TTBK2: variants seen among roughly 807,000 people sequenced by gnomAD.
TTBK2 encodes tau-tubulin kinase 2.
A neutral mutation model predicts 110.8 loss-of-function variants in TTBK2; 28 were observed. The ratio of observed to expected loss-of-function variants is 0.25; its 90% CI spans 0.19 to 0.35. The LOEUF is 0.35. TTBK2 is among the 10% of genes least tolerant of loss of function. TTBK2 has a pLI of 1.00. For synonymous variants in TTBK2, 532 were observed against 527.3 expected (o/e 1.01, Z -0.12); for missense variants, 1,369 against 1,500.3 (o/e 0.91, Z 1.45).
rs1056152267 is a variant in TTBK2 at position 42,880,009 on chromosome 15, A to G, written c.-67-1325T>C. Among the ~76,000 whole-genome samples, 28 of 151,912 alleles carry G rather than the reference A, an allele frequency of 1.8e-4. No homozygotes were observed. The East Asian group carries it at 2.5e-3, about 14-fold the overall frequency. On this transcript the variant is annotated intron_variant, in intron 1 of 14. Coordinates refer to ENST00000267890, the MANE Select transcript of TTBK2 (RefSeq NM_173500.4). Reference sequence around the variant, plus strand: ...AAGATCCTGTCTCAAAAAAAAAAAAAAAAAGAAAAGAAAAGAAAAACAGGA... The same window carrying G: ...AAGATCCTGTCTCAAAAAAAAAAAAGAAAAGAAAAGAAAAGAAAAACAGGA...
chr15:42,815,941 T>TATTTAAAAATATATATAC (rs1891947518), intron 7 of TTBK2, among the ~76,000 whole-genome samples: 1 of 27,798 alleles, frequency 3.6e-5, no homozygotes. Flanking sequence ...AATATATATA[T>TATTTAAAAATATATATAC]ATATATTTAA....
chr15:42,848,897 A>G (rs1366914804), intron 3 of TTBK2, among the ~76,000 whole-genome samples: 2 of 152,212 alleles, frequency 1.3e-5, no homozygotes, highest in African/African-American at 4.8e-5. Flanking sequence ...ACACAGAAAT[A>G]TGGTTGCTTT....
intron 7 of TTBK2, among the ~76,000 whole-genome samples, chr15:42,815,907 T>TATA (rs1379708025): frequency 2.7e-4 from 29 of 106,814 alleles, no homozygotes; most frequent in African/African-American, 1.3e-3. Flanking sequence ...TATATATATA[T>TATA]TTAAAAATAT....
chr15:42,913,183 A>T (rs1200764968), intron 1 of TTBK2, among the ~76,000 whole-genome samples: 1 of 151,790 alleles, frequency 6.6e-6, no homozygotes, highest in Non-Finnish European at 1.5e-5. Context: ...TAGTAAAAAG[A>T]AATGAAGATT....
chr15:42,870,365 A>T (rs1220879525), intron 3 of TTBK2, among the ~76,000 whole-genome samples: 2 of 152,082 alleles, frequency 1.3e-5, no homozygotes, highest in Non-Finnish European at 2.9e-5. Context: ...AAGAGAAAGG[A>T]AAATACTAGT....
chr15:42,796,554 A>G (rs908755424), intron 9 of TTBK2, among the ~76,000 whole-genome samples: 5 of 152,264 alleles, frequency 3.3e-5, no homozygotes, highest in Non-Finnish European at 5.9e-5. Flanking sequence ...GAAACAAAAA[A>G]GGAGTGGCCA....
chr15:42,920,012 T>G (rs545224878), intron 1 of TTBK2, among the ~76,000 whole-genome samples: 8 of 152,154 alleles, frequency 5.3e-5, no homozygotes, highest in Admixed American at 4.6e-4. Context: ...GCAAACAGAT[T>G]CAGTAGTCCC....
chr15:42,794,823 T>G (rs779243083), intron 9 of TTBK2, 22 bp from the exon 10 acceptor site: 7 of 1,613,670 alleles, frequency 4.3e-6, no homozygotes, highest in Non-Finnish European at 5.9e-6. Context: ...AGAAAAAAAC[T>G]AGAGTAAGTG....
In TTBK2 at chr15:42,794,751, C is replaced by T. The variant is rs1270721145; in HGVS notation, c.873G>A (p.Glu291=). Residue 291 remains glutamate (E), a synonymous_variant, in exon 10 of 15, where the codon GAG becomes GAA. Coordinates refer to ENST00000267890, the MANE Select transcript of TTBK2 (RefSeq NM_173500.4). ...DNSIKTFGVI[E]SDPFDWEKTG... ...TCTTCTCCCAGTCAAAAGGGTCACTCTCAATTACTCCAAAAGTCTTGATGC... is the reference window on the plus strand; with the variant it reads ...TCTTCTCCCAGTCAAAAGGGTCACTTTCAATTACTCCAAAAGTCTTGATGC... The T allele has an allele frequency of 1.9e-6, 3 of 1,614,092 alleles. No homozygotes were observed. In the South Asian group the frequency reaches 3.3e-5, roughly 18 times the overall value.
At chr15:42,830,743 C>T (rs1298337137) in intron 4 of TTBK2, among the ~76,000 whole-genome samples, 3 of 151,750 alleles carry the variant, frequency 2.0e-5, no homozygotes, top group Admixed American at 6.6e-5. Context: ...CAGTGGCTCA[C>T]GCCTGTAATC....
chr15:42,773,289 T>G (rs1889756861), intron 13 of TTBK2, among the ~76,000 whole-genome samples: 1 of 151,976 alleles, frequency 6.6e-6, no homozygotes. Flanking sequence ...ACAAAAAAAT[T>G]AGCCGGGCTT....
At chr15:42,904,073 C>T (rs2030228358) in intron 1 of TTBK2, among the ~76,000 whole-genome samples, 1 of 152,194 alleles carries the variant, frequency 6.6e-6, no homozygotes, top group Non-Finnish European at 1.5e-5. Flanking sequence ...AGAACCCTCC[C>T]AAGCTGGGTC....
At chr15:42,839,402 A>G (rs1893129129) in intron 4 of TTBK2, among the ~76,000 whole-genome samples, 1 of 152,234 alleles carries the variant, frequency 6.6e-6, no homozygotes, top group South Asian at 2.1e-4. Context: ...TAGTGCTGCA[A>G]TGAACACATA....
chr15:42,775,313 T>C lies in TTBK2; in HGVS notation c.1820A>G (p.Asp607Gly), dbSNP rs751510158. 32 of 1,614,086 alleles carry C rather than the reference T, an allele frequency of 2.0e-5. No individual in the cohort carries two copies. The highest frequency in any genetic ancestry group is 2.6e-5 in the Non-Finnish European group (31 of 1,180,052). The stretch of plus-strand genomic sequence containing the variant: ...ACCTGAGGTTTCCTTCTTTAAATGA[T>C]CATTTTCTGCCCAAGGACCTAACTG... ...KLQLGPWAEN[D>G]HLKKETSGVV... The change falls in exon 13 of 15, where the codon GAT (aspartate) becomes GGT (glycine). Residue 607 changes from aspartate to glycine, a missense_variant. Coordinates refer to ENST00000267890, the MANE Select transcript of TTBK2 (RefSeq NM_173500.4).
At chr15:42,855,760 C>T (rs890730771) in intron 3 of TTBK2, among the ~76,000 whole-genome samples, 3 of 152,192 alleles carry the variant, frequency 2.0e-5, no homozygotes, top group Non-Finnish European at 2.9e-5. Context: ...TTTCGGCTCA[C>T]CGCAGGCTCC....
At chr15:42,892,211 G>C (rs1432882739) in intron 1 of TTBK2, among the ~76,000 whole-genome samples, 1 of 152,102 alleles carries the variant, frequency 6.6e-6, no homozygotes, top group African/African-American at 2.4e-5. Context: ...AAGATAACAA[G>C]AATACAAACA....
chr15:42,852,208 A>G (rs2141051653), intron 3 of TTBK2, among the ~76,000 whole-genome samples: 1 of 151,916 alleles, frequency 6.6e-6, no homozygotes, highest in East Asian at 1.9e-4. Flanking sequence ...TAGCTAGACT[A>G]CAGGTATGCA....
intron 14 of TTBK2, among the ~76,000 whole-genome samples, chr15:42,747,463 G>A (rs527939180): frequency 6.6e-6 from 1 of 152,310 alleles, no homozygotes; most frequent in African/African-American, 2.4e-5. Flanking sequence ...CCACGATGGG[G>A]GGAGGAGGGG....
intron 4 of TTBK2, among the ~76,000 whole-genome samples, chr15:42,835,552 A>C (rs1892951047): frequency 6.6e-6 from 1 of 152,178 alleles, no homozygotes; most frequent in Non-Finnish European, 1.5e-5. Context: ...CAGAGGGTGA[A>C]CCAATTGATT....
Sources: gnomAD v4.1 joint callset for allele counts (sites outside exome capture counted in the v4.1 genomes callset) on GRCh38, gnomAD v4.1.1 for gene constraint, MANE v1.5 for transcripts, NCBI Gene and HGNC (gene_info 2026-07-23, HGNC 2026-07-21) for gene names.